Variants in RERE observed in about 807,000 individuals in gnomAD.
The protein encoded by RERE is arginine-glutamic acid dipeptide repeats.
A neutral mutation model predicts 146.1 loss-of-function variants in RERE; 40 were observed. The ratio of observed to expected loss-of-function variants is 0.27; its 90% CI spans 0.21 to 0.36. RERE has a LOEUF of 0.36. Among genes scored for constraint, RERE ranks in the 10% least tolerant of loss-of-function variants. RERE has a pLI of 1.00. For missense variants in RERE, 1,933 were observed against 2,138.7 expected (o/e 0.90, Z 1.90); for synonymous variants, 1,003 against 866.0 (o/e 1.16, Z -2.78).
At chr1:8,780,150 T>C (rs1425569198) in intron 1 of RERE, among the ~76,000 whole-genome samples, 1 of 152,128 alleles carries the variant, frequency 6.6e-6, no homozygotes, top group African/African-American at 2.4e-5. Context: ...GAAGACTGGG[T>C]TCTAATGCCA....
intron 11 of RERE, among the ~76,000 whole-genome samples, chr1:8,447,271 C>T (rs1644334790): frequency 6.6e-6 from 1 of 151,924 alleles, no homozygotes. Flanking sequence ...TTTGTTATTA[C>T]CCACTTTCTG....
At chr1:8,447,766 G>A (rs1644340498) in intron 11 of RERE, among the ~76,000 whole-genome samples, 1 of 152,240 alleles carries the variant, frequency 6.6e-6, no homozygotes. Flanking sequence ...AATGGACACA[G>A]AAGAATGAGT....
At chr1:8,379,209 C>A (rs1642362558) in intron 12 of RERE, among the ~76,000 whole-genome samples, 1 of 152,102 alleles carries the variant, frequency 6.6e-6, no homozygotes, top group Non-Finnish European at 1.5e-5. Context: ...AAGGAAGAAC[C>A]CTCCAGAGTC....
At chr1:8,745,221 A>G (rs980831791) in intron 1 of RERE, among the ~76,000 whole-genome samples, 1 of 152,154 alleles carries the variant, frequency 6.6e-6, no homozygotes, top group East Asian at 1.9e-4. Context: ...TGAGGGATTT[A>G]TAAGGGGCTC....
intron 1 of RERE, among the ~76,000 whole-genome samples, chr1:8,776,902 T>A (rs1641074971): frequency 6.6e-6 from 1 of 151,292 alleles, no homozygotes; most frequent in Admixed American, 6.6e-5. Context: ...TTTTTTTTGG[T>A]AATTTTTGTA....
At position 8,356,017 on chromosome 1, in the gene RERE, T is replaced by C; in HGVS notation, c.4486+83A>G. 1 of 1,359,552 alleles carries C rather than the reference T, an allele frequency of 7.4e-7. No homozygotes were observed. Among genetic ancestry groups the C allele is most frequent in the Non-Finnish European group, 9.8e-7 (1 of 1,024,924 alleles). The allele number at this position is 1,359,552 out of a possible 1,614,324, so 84.2% of individuals were successfully genotyped here. A position where few individuals can be genotyped will look rare whatever the true frequency, so the allele number is the denominator to read the frequency against. ...CCTGCTCAATGCATGAATGAATGAA[T>C]GAGTAATGAATGAAGACAGCAGACC... On this transcript the variant is annotated intron_variant, in intron 21 of 22. Transcript: ENST00000400908. This position sits in a 1 kb window ranked among gnomAD's most constrained non-coding sequence, Gnocchi z 5.2.
At chr1:8,621,009 T>C (rs1190570448) in intron 3 of RERE, among the ~76,000 whole-genome samples, 1 of 152,006 alleles carries the variant, frequency 6.6e-6, no homozygotes, top group African/African-American at 2.4e-5. Flanking sequence ...CCTGTGGAAG[T>C]GTGGGCTCGA....
intron 1 of RERE, among the ~76,000 whole-genome samples, chr1:8,763,334 T>G (rs1168380273): frequency 6.6e-6 from 1 of 152,122 alleles, no homozygotes; most frequent in Non-Finnish European, 1.5e-5. Flanking sequence ...TTCCATGCAG[T>G]ATTAAAAATG....
intron 11 of RERE, among the ~76,000 whole-genome samples, chr1:8,431,972 C>T (rs750501117): frequency 6.6e-6 from 1 of 152,148 alleles, no homozygotes; most frequent in Non-Finnish European, 1.5e-5. Context: ...GTTTCCTGTT[C>T]GGCATGCTCC....
chr1:8,496,692 T>G (rs140848570), intron 9 of RERE, among the ~76,000 whole-genome samples: 255 of 152,280 alleles, frequency 1.7e-3, no homozygotes, highest in African/African-American at 5.9e-3. Context: ...CTCTGTGCCG[T>G]GTGAGGAGCG....
chr1:8,482,089 A>G (rs917600118), intron 10 of RERE, among the ~76,000 whole-genome samples: 2 of 152,218 alleles, frequency 1.3e-5, no homozygotes, highest in Admixed American at 6.5e-5. Flanking sequence ...GCAGTCACAA[A>G]AGGCCACTTA....
chr1:8,375,801 C>T (rs1298900412), intron 12 of RERE, among the ~76,000 whole-genome samples: 1 of 151,018 alleles, frequency 6.6e-6, no homozygotes, highest in African/African-American at 2.5e-5. Context: ...TGCTTCCTCA[C>T]TCAGCAGCCA....
rs1641299140 is a variant in RERE, at chr1:8,356,506, G to A, written c.4340-260C>T. 6.6e-6 allele frequency among the ~76,000 whole-genome samples: 1 copy of A among 152,160 alleles called. No homozygotes were observed. Among genetic ancestry groups the A allele is most frequent in the African/African-American group, 2.4e-5 (1 of 41,436 alleles). ...GTCCGCTTGTGGAGTGCCCCTAACA[G>A]GCAATCCCAGGCCAGTTTTGTCGAG... On this transcript the variant is annotated intron_variant, in intron 20 of 22. Coordinates refer to ENST00000400908, the MANE Select transcript of RERE (RefSeq NM_001042681.2). The surrounding 1 kb of genome is among the most constrained non-coding windows in gnomAD (Gnocchi z 5.2).
At chr1:8,799,568 A>G (rs1374040338) in intron 1 of RERE, 1 of 152,640 alleles carries the variant, frequency 6.6e-6, no homozygotes, top group Admixed American at 6.5e-5. Flanking sequence ...TTAGCCAGGC[A>G]TGGTGACATG....
chr1:8,607,973 A>G (rs1570505201), intron 4 of RERE, among the ~76,000 whole-genome samples: 1 of 151,708 alleles, frequency 6.6e-6, no homozygotes, highest in Admixed American at 6.6e-5. Context: ...TGATCCACCC[A>G]CCTCGGCCTC....
At chr1:8,645,504 G>A (rs534083701) in intron 2 of RERE, among the ~76,000 whole-genome samples, 2,317 of 152,290 alleles carry the variant, frequency 0.015, 62 homozygotes, top group African/African-American at 0.053. Context: ...AAGCACTAAT[G>A]AGTGATTAGT....
At chr1:8,413,276 G>C (rs1763839) in intron 12 of RERE, among the ~76,000 whole-genome samples, 1 of 151,674 alleles carries the variant, frequency 6.6e-6, no homozygotes, top group Non-Finnish European at 1.5e-5. Context: ...TGTGTGCAGA[G>C]TAAAAATGCA....
chr1:8,743,443 T>G (rs1435075793), intron 1 of RERE, among the ~76,000 whole-genome samples: 3 of 151,116 alleles, frequency 2.0e-5, no homozygotes, highest in African/African-American at 7.3e-5. Flanking sequence ...TTTTTTTTTT[T>G]TTTTAGTAGA....
chr1:8,516,438 T>C (rs1645419765), intron 7 of RERE, among the ~76,000 whole-genome samples: 2 of 152,086 alleles, frequency 1.3e-5, no homozygotes, highest in African/African-American at 2.4e-5. Flanking sequence ...AATATATCCA[T>C]TGAACATTTA....
Sources: gnomAD v4.1 joint callset for allele counts (sites outside exome capture counted in the v4.1 genomes callset) on GRCh38, gnomAD v4.1.1 for gene constraint, Gnocchi (gnomAD v3.1) non-coding constraint, MANE v1.5 for transcripts, NCBI Gene and HGNC (gene_info 2026-07-23, HGNC 2026-07-21) for gene names.